ADCYAP1: variants seen among roughly 807,000 people sequenced by gnomAD.
The protein encoded by ADCYAP1 is adenylate cyclase activating polypeptide 1, also known as pituitary adenylate cyclase-activating polypeptide.
A neutral mutation model predicts 18.5 loss-of-function variants in ADCYAP1; 6 were observed. The observed-to-expected ratio is 0.32, with a 90% CI of 0.18 to 0.64. ADCYAP1 has a LOEUF of 0.64. Among genes scored for constraint, ADCYAP1 ranks in the 30% least tolerant of loss-of-function variants. ADCYAP1 has a pLI of 0.77. For missense variants in ADCYAP1, 314 were observed against 253.6 expected, an observed-to-expected ratio of 1.24 and a Z score of -1.62; for synonymous variants, 136 against 113.9, an observed-to-expected ratio of 1.19 and a Z score of -1.24.
chr18:905,127 G>A, intron 1 of ADCYAP1, 67 bp downstream of exon 1: 1 of 1,367,188 alleles, frequency 7.3e-7, no homozygotes, highest in South Asian at 1.5e-5. Flanking sequence ...GCTTGGCATC[G>A]CGTCAGGGGA....
chr18:905,381 C>A lies in ADCYAP1; in HGVS notation c.-1-5C>A, dbSNP rs1433649213. 2 of 1,612,626 alleles carry A rather than the reference C, an allele frequency of 1.2e-6. No homozygotes were observed. The highest frequency in any genetic ancestry group is 1.7e-6 in the Non-Finnish European group (2 of 1,179,924). ...GCTGTGTGTCCTCTTTCCCATCCTG[C>A]GCAGAATGACCATGTGTAGCGGAGC... On this transcript the variant is annotated splice_region_variant and splice_polypyrimidine_tract_variant and intron_variant, in intron 1 of 4. Coordinates refer to ENST00000450565, the MANE Select transcript of ADCYAP1 (RefSeq NM_001099733.2).
At position 905,426 on chromosome 18, in the gene ADCYAP1, T is replaced by C; in HGVS notation, c.40T>C (p.Tyr14His). The part of the protein sequence containing the change: ...CSGARLALLV[Y>H]GIIMHSSVYS... ...CGGAGCGAGGCTGGCCCTGCTGGTCTATGGGATAATCATGCACAGCAGCGT... is the reference window on the plus strand; with the variant it reads ...CGGAGCGAGGCTGGCCCTGCTGGTCCATGGGATAATCATGCACAGCAGCGT... The change falls in exon 2 of 5, where the codon TAT becomes CAT. Residue 14 changes from tyrosine (Y) to histidine (H), a missense_variant. Tyr to His is a moderately conservative substitution (Grantham distance 83). Coordinates refer to ENST00000450565, the MANE Select transcript of ADCYAP1 (RefSeq NM_001099733.2). 1 of 1,612,940 alleles carries C rather than the reference T, an allele frequency of 6.2e-7. No individual in the cohort carries two copies. The highest frequency in any genetic ancestry group is 1.3e-5 in the African/African-American group (1 of 75,062).
intron 4 of ADCYAP1, 23 bp from the exon 5 acceptor site, chr18:909,423 C>T (rs1321656007): frequency 6.2e-7 from 1 of 1,603,986 alleles, no homozygotes; most frequent in Non-Finnish European, 8.5e-7. Flanking sequence ...CCGCCACCCT[C>T]TTCCCGACCC....
intron 1 of ADCYAP1, 28 bp downstream of exon 1, chr18:905,088 G>A: frequency 7.6e-7 from 1 of 1,314,058 alleles, no homozygotes. Context: ...TTACCAAAGC[G>A]ACCGGCTCAC....
chr18:907,533 G>C (rs1425008952), intron 2 of ADCYAP1, 126 bp from the exon 3 acceptor site: 3 of 1,028,612 alleles, frequency 2.9e-6, no homozygotes, highest in African/African-American at 1.7e-5. Context: ...CCTGGGAGAA[G>C]AGACAATTCT....
chr18:908,445 C>A, intron 4 of ADCYAP1, 82 bp downstream of exon 4: 1 of 1,196,888 alleles, frequency 8.4e-7, no homozygotes, highest in Non-Finnish European at 1.2e-6. Context: ...GCGGTGGGTG[C>A]CCGTGGGGGC....
intron 2 of ADCYAP1, chr18:905,770 T>C (rs1909147356): frequency 2.0e-6 from 1 of 488,738 alleles, no homozygotes; most frequent in Non-Finnish European, 3.6e-6. Flanking sequence ...GAACCCCCCC[T>C]CCCCCAACCC....
rs1909265054 is a variant in ADCYAP1 at position 908,424 on chromosome 18, CGGGGCGGGCGGCGGTGGGTGCCCGT to C, written c.341+66_341+90del. On this transcript the variant is annotated intron_variant, in intron 4 of 4. Coordinates refer to ENST00000450565, the MANE Select transcript of ADCYAP1 (RefSeq NM_001099733.2). ...GGGGTGGGTGCCTGTGCGGGGCGCG[CGGGGCGGGCGGCGGTGGGTGCCCGT>C]GGGGGCCAGGGTGAGTCTGCGCCCC... 28 of 1,475,234 alleles carry C rather than the reference CGGGGCGGGCGGCGGTGGGTGCCCGT, an allele frequency of 1.9e-5. No homozygotes were observed. In the South Asian group the frequency reaches 3.2e-4, roughly 17 times the overall value. The allele number at this position is 1,475,234 out of a possible 1,614,324, so 91.4% of individuals were successfully genotyped here. A position where few individuals can be genotyped will look rare whatever the true frequency, so the allele number is the denominator to read the frequency against.
Position 907,701 on chromosome 18 carries a change from A to C in ADCYAP1, c.153A>C (p.Pro51=), listed in dbSNP as rs1350929342. 1 of 1,566,196 alleles carries C rather than the reference A, an allele frequency of 6.4e-7. No individual in the cohort carries two copies. Among genetic ancestry groups the C allele is most frequent in the Non-Finnish European group, 8.6e-7 (1 of 1,164,362 alleles). The change falls in exon 3 of 5, where the codon CCA becomes CCC. Residue 51 remains proline (P), a synonymous_variant. Coordinates refer to ENST00000450565, the MANE Select transcript of ADCYAP1 (RefSeq NM_001099733.2). ...ACGGCGAGGACGGAAACCCGCTGCC[A>C]GACTTCGATGGCTCGGAGCCGCCGG... The part of the protein sequence containing the change: ...EAYGEDGNPL[P]DFDGSEPPGA...
chr18:908,306 T>C lies in ADCYAP1; in HGVS notation c.284T>C (p.Val95Ala), dbSNP rs778889031. The C allele has an allele frequency of 2.7e-5, 44 of 1,613,244 alleles. No homozygotes were observed. Among genetic ancestry groups the C allele is most frequent in the Non-Finnish European group, 3.3e-5 (39 of 1,179,796 alleles). Residue 95 changes from valine to alanine, a missense_variant, in exon 4 of 5, where the codon GTG (valine) becomes GCG (alanine). Val to Ala is a moderately conservative substitution (Grantham distance 64). Coordinates refer to ENST00000450565, the MANE Select transcript of ADCYAP1 (RefSeq NM_001099733.2). The stretch of plus-strand genomic sequence containing the variant: ...ATCCTTAACGAGGCCTACCGCAAAG[T>C]GCTGGACCAGCTGTCCGCCGGGAAG... ...HGILNEAYRKVLDQLSAGKHL... is the reference protein window; with the variant it reads ...HGILNEAYRKALDQLSAGKHL...
Position 905,572 on chromosome 18 carries a change from G to GCAGTCCTT in ADCYAP1, c.110+77_110+84dup, listed in dbSNP as rs533218516. The GCAGTCCTT allele has an allele frequency of 3.8e-5, 58 of 1,535,476 alleles. No homozygotes were observed. The African/African-American group carries it at 5.3e-4, about 14-fold the overall frequency. The stretch of plus-strand genomic sequence containing the variant: ...GACGCTTCCTCACGGTCTCCTTCCT[G>GCAGTCCTT]CAGTCCTTTGGGTCCAGACTACTAG... On this transcript the variant is annotated intron_variant, in intron 2 of 4. Transcript: ENST00000450565.
At chr18:908,435 GC>G in intron 4 of ADCYAP1, 72 bp downstream of exon 4, 2 of 1,362,584 alleles carry the variant, frequency 1.5e-6, no homozygotes, top group Admixed American at 2.0e-5. Context: ...GGGGCGGGCG[GC>G]GGTGGGTGCC....
In ADCYAP1 at chr18:905,941, G is replaced by C. The variant is rs1294818182; in HGVS notation, c.110+445G>C. 18 of 173,906 alleles carry C rather than the reference G, an allele frequency of 1.0e-4. 1 individual carries two copies. The Admixed American group carries it at 1.1e-3, about 11-fold the overall frequency. 10.8% of individuals were successfully genotyped at this position (173,906 alleles called of 1,614,324 possible). ...CTGCTTGTTCTGGACTATCCGGGTG[G>C]GGTCTCTCTCTCTCCTCCACCCTTT... On this transcript the variant is annotated intron_variant, in intron 2 of 4. Transcript: ENST00000450565.
At chr18:907,633 A>G (rs1275872542) in intron 2 of ADCYAP1, 26 bp from the exon 3 acceptor site, 1 of 1,577,038 alleles carries the variant, frequency 6.3e-7, no homozygotes, top group Non-Finnish European at 8.5e-7. Context: ...CACTGACCAC[A>G]CCTTCTGTCC....
chr18:909,251 A>AG (rs1216203810), intron 4 of ADCYAP1, among the ~76,000 whole-genome samples, 195 bp from the exon 5 acceptor site: 5 of 152,084 alleles, frequency 3.3e-5, no homozygotes, highest in Non-Finnish European at 7.4e-5. Flanking sequence ...CTGCGTGGGG[A>AG]GGGGGGCATC....
chr18:905,169 T>G, intron 1 of ADCYAP1, 109 bp downstream of exon 1: 2 of 1,401,760 alleles, frequency 1.4e-6, no homozygotes, highest in Non-Finnish European at 1.9e-6. Context: ...TCTGGCTAGT[T>G]ATTGGGCGCC....
Position 911,817 on chromosome 18 carries a change from G to C in ADCYAP1, c.*2182G>C, listed in dbSNP as rs1394815147. 1 of 152,172 alleles carries C rather than the reference G, an allele frequency of 6.6e-6. No individual in the cohort carries two copies. The highest frequency in any genetic ancestry group is 1.5e-5 in the Non-Finnish European group (1 of 68,020). 9.4% of individuals were successfully genotyped at this position (152,172 alleles called of 1,614,324 possible). A position where few individuals can be genotyped will look rare whatever the true frequency, so the allele number is the denominator to read the frequency against. ...ATTTGTTTCTTGGATAATGGGCAGA[G>C]TTTTCTGTATTTGTATCAGCTGTTA... On this transcript the variant is annotated 3_prime_UTR_variant, in exon 5 of 5. Coordinates refer to ENST00000450565, the MANE Select transcript of ADCYAP1 (RefSeq NM_001099733.2).
chr18:904,928 C>T lies in ADCYAP1; in HGVS notation c.-134C>T, dbSNP rs1909101224. The T allele has an allele frequency of 7.8e-7, 1 of 1,290,188 alleles. No individual in the cohort carries two copies. The highest frequency in any genetic ancestry group is 1.0e-6 in the Non-Finnish European group (1 of 989,402). The allele number at this position is 1,290,188 out of a possible 1,614,324, so 79.9% of individuals were successfully genotyped here. A position where few individuals can be genotyped will look rare whatever the true frequency, so the allele number is the denominator to read the frequency against. ...CTCCTCCTGCTGCTCCCGCTGGTTC[C>T]TGCGGCTTCTGCTCAGACACCAACG... On this transcript the variant is annotated 5_prime_UTR_variant, in exon 1 of 5. Transcript: ENST00000450565.
intron 2 of ADCYAP1, 70 bp downstream of exon 2, chr18:905,566 C>T: frequency 6.4e-7 from 1 of 1,554,024 alleles, no homozygotes; most frequent in Admixed American, 1.7e-5. Flanking sequence ...TCACGGTCTC[C>T]TTCCTGCAGT....
Sources: gnomAD v4.1 joint callset for allele counts (sites outside exome capture counted in the v4.1 genomes callset) on GRCh38, gnomAD v4.1.1 for gene constraint, MANE v1.5 for transcripts, NCBI Gene and HGNC (gene_info 2026-07-23, HGNC 2026-07-21) for gene names.